DLG2: variants seen among roughly 807,000 people sequenced by gnomAD.
DLG2 encodes disks large homolog 2.
A neutral mutation model predicts 132.5 loss-of-function variants in DLG2; 45 were observed. That is an observed-to-expected ratio of 0.34 (90% CI 0.27 to 0.44). DLG2 has a LOEUF of 0.44. Ranked by LOEUF, DLG2 falls within the 20% of genes least tolerant of loss-of-function variation. DLG2 has a pLI of 1.00. For missense variants in DLG2, 1,045 were observed against 1,196.9 expected, an observed-to-expected ratio of 0.87 and a Z score of 1.87; for synonymous variants, 424 against 419.6, an observed-to-expected ratio of 1.01 and a Z score of -0.13.
intron 7 of DLG2, among the ~76,000 whole-genome samples, chr11:84,323,245 T>C (rs987464980): frequency 2.6e-5 from 4 of 152,160 alleles, no homozygotes; most frequent in Admixed American, 2.6e-4. Context: ...CACTTTCTAT[T>C]TCTTTGAGTT....
intron 4 of DLG2, among the ~76,000 whole-genome samples, chr11:85,188,776 A>G (rs2152526119): frequency 6.6e-6 from 1 of 152,304 alleles, no homozygotes; most frequent in African/African-American, 2.4e-5. Context: ...AGAAATTATC[A>G]GTAAACTTGA....
At chr11:85,591,903 T>C (rs1178374634) in intron 3 of DLG2, among the ~76,000 whole-genome samples, 1 of 152,244 alleles carries the variant, frequency 6.6e-6, no homozygotes, top group Non-Finnish European at 1.5e-5. Context: ...GTTCAATAAA[T>C]ATCCTGTGAA....
At position 84,847,782 on chromosome 11, in the gene DLG2, C is replaced by G. The variant is rs1410029516; in HGVS notation, c.357+263879G>C. Among the ~76,000 whole-genome samples, 5 of 152,178 alleles carry G rather than the reference C, an allele frequency of 3.3e-5. 1 individual carries two copies. Among genetic ancestry groups the G allele is most frequent in the Admixed American group, 2.6e-4 (4 of 15,276 alleles). On this transcript the variant is annotated intron_variant, in intron 6 of 27. Coordinates refer to ENST00000376104, the MANE Select transcript of DLG2 (RefSeq NM_001142699.3). Reference sequence around the variant, plus strand: ...TAAGATTCTCAATGATATTGCCCCACAGACCTCAGATTCTAATCCCAAGGT... The same window carrying G: ...TAAGATTCTCAATGATATTGCCCCAGAGACCTCAGATTCTAATCCCAAGGT...
intron 3 of DLG2, among the ~76,000 whole-genome samples, chr11:85,415,121 T>C (rs1176554316): frequency 6.6e-6 from 1 of 152,188 alleles, no homozygotes; most frequent in Non-Finnish European, 1.5e-5. Flanking sequence ...TTTGGTTTTC[T>C]CTTCCTGTGT....
At chr11:85,086,982 CAT>C (rs2068020115) in intron 6 of DLG2, among the ~76,000 whole-genome samples, 1 of 152,022 alleles carries the variant, frequency 6.6e-6, no homozygotes, top group South Asian at 2.1e-4. Context: ...TGTTCATTTC[CAT>C]ATGTTATTTT....
intron 7 of DLG2, among the ~76,000 whole-genome samples, chr11:84,516,070 C>A (rs926507831): frequency 5.3e-5 from 8 of 151,030 alleles, no homozygotes; most frequent in Admixed American, 2.6e-4. Context: ...CAAAAACCGA[C>A]AGAATACTGC....
At chr11:85,058,402 A>G (rs1017684491) in intron 6 of DLG2, among the ~76,000 whole-genome samples, 35 of 151,592 alleles carry the variant, frequency 2.3e-4, no homozygotes, top group African/African-American at 8.2e-4. Flanking sequence ...AAATAAATAT[A>G]TGTACACATA....
At chr11:84,374,025 C>T (rs896325627) in intron 7 of DLG2, among the ~76,000 whole-genome samples, 19 of 152,216 alleles carry the variant, frequency 1.2e-4, no homozygotes, top group Non-Finnish European at 4.4e-5. Flanking sequence ...GTTCCTCCTG[C>T]TTTTTTCACA....
chr11:84,859,339 A>T (rs950627089), intron 6 of DLG2, among the ~76,000 whole-genome samples: 20 of 146,858 alleles, frequency 1.4e-4, no homozygotes, highest in Admixed American at 5.5e-4. Context: ...ATATAGGTAT[A>T]TATGTAGATT....
At chr11:84,215,548 A>G (rs1205927242) in intron 8 of DLG2, among the ~76,000 whole-genome samples, 1 of 152,190 alleles carries the variant, frequency 6.6e-6, no homozygotes, top group Admixed American at 6.5e-5. Context: ...TCCATTGCCT[A>G]GAACAAAACA....
intron 6 of DLG2, among the ~76,000 whole-genome samples, chr11:84,666,423 A>G (rs1435964445): frequency 1.3e-5 from 2 of 152,188 alleles, no homozygotes; most frequent in Admixed American, 1.3e-4. Context: ...CCTCTCTTTA[A>G]TCATGAATTC....
At chr11:85,258,178 T>C (rs1213158357) in intron 4 of DLG2, among the ~76,000 whole-genome samples, 1 of 152,204 alleles carries the variant, frequency 6.6e-6, no homozygotes, top group East Asian at 1.9e-4. Flanking sequence ...AAATGCATTT[T>C]TTGAAAATAC....
Position 84,681,706 on chromosome 11 carries a change from T to C in DLG2, c.358-146975A>G, listed in dbSNP as rs186861348. 3.4e-4 allele frequency among the ~76,000 whole-genome samples: 52 copies of C among 152,196 alleles called. No individual in the cohort carries two copies. The East Asian group carries it at 8.5e-3, about 25-fold the overall frequency. ...TCAGTAATCACTCCATTTCACTGTC[T>C]TGAACTCCTGGCTAGTAAGGGCAAT... On this transcript the variant is annotated intron_variant, in intron 6 of 27. Coordinates refer to ENST00000376104, the MANE Select transcript of DLG2 (RefSeq NM_001142699.3).
chr11:84,174,011 G>A (rs995733710), intron 8 of DLG2, among the ~76,000 whole-genome samples: 1 of 14,978 alleles, frequency 6.7e-5, no homozygotes, highest in Non-Finnish European at 1.9e-4. Flanking sequence ...TTCACCCCCC[G>A]GCCTTTTTTT....
chr11:84,770,117 T>C (rs1004561325), intron 6 of DLG2, among the ~76,000 whole-genome samples: 4 of 152,096 alleles, frequency 2.6e-5, no homozygotes, highest in African/African-American at 9.7e-5. Flanking sequence ...TCTTGCAAGA[T>C]CTGGTTGCTT....
chr11:84,755,211 G>A (rs530653815), intron 6 of DLG2, among the ~76,000 whole-genome samples: 1 of 152,280 alleles, frequency 6.6e-6, no homozygotes, highest in South Asian at 2.1e-4. Context: ...AATTTATTTT[G>A]AGTCAGAGAA....
chr11:85,520,974 A>G (rs2074263176), intron 3 of DLG2, among the ~76,000 whole-genome samples: 2 of 152,206 alleles, frequency 1.3e-5, no homozygotes, highest in Admixed American at 1.3e-4. Flanking sequence ...CTTGAGTAGT[A>G]CCCTATAAGG....
chr11:85,370,398 C>T (rs541904146), intron 3 of DLG2, among the ~76,000 whole-genome samples: 2 of 152,262 alleles, frequency 1.3e-5, no homozygotes, highest in South Asian at 4.1e-4. Context: ...AGTAGTGCAA[C>T]AACTGTGGAA....
intron 11 of DLG2, among the ~76,000 whole-genome samples, chr11:84,043,109 A>C (rs1002906951): frequency 6.6e-6 from 1 of 151,620 alleles, no homozygotes; most frequent in South Asian, 2.1e-4. Flanking sequence ...AAATTAATTA[A>C]AAATTTATTG....
Sources: allele counts gnomAD v4.1 joint callset (sites outside exome capture counted in the v4.1 genomes callset), GRCh38; gene constraint gnomAD v4.1.1; transcripts MANE v1.5; gene names NCBI Gene and HGNC (gene_info 2026-07-23, HGNC 2026-07-21).